The following TNS1 variants were observed in gnomAD, a reference collection of about 807,000 sequenced individuals.
TNS1 encodes tensin 1.
A neutral mutation model predicts 168.6 loss-of-function variants in TNS1; 62 were observed. The ratio of observed to expected loss-of-function variants is 0.37; its 90% CI spans 0.30 to 0.45. The LOEUF (loss-of-function observed/expected upper bound fraction) is 0.45, where lower values mean the gene tolerates loss of function less well. Among genes scored for constraint, TNS1 ranks in the 20% least tolerant of loss-of-function variants. The pLI is 1.00. For missense variants in TNS1, 2,240 were observed against 2,339.4 expected (o/e 0.96, Z 0.88); for synonymous variants, 934 against 933.2 (o/e 1.00, Z -0.02).
chr2:217,940,747 T>A (rs1034236254), intron 3 of TNS1, among the ~76,000 whole-genome samples: 19 of 152,074 alleles, frequency 1.2e-4, no homozygotes, highest in Non-Finnish European at 2.6e-4. Context: ...GGCACAGGCA[T>A]CCACAGAGGG....
intron 3 of TNS1, among the ~76,000 whole-genome samples, chr2:217,955,667 C>T (rs1187404432): frequency 6.6e-6 from 1 of 152,198 alleles, no homozygotes; most frequent in Non-Finnish European, 1.5e-5. Context: ...AACACCTTAT[C>T]TCATCATGAC....
intron 3 of TNS1, among the ~76,000 whole-genome samples, chr2:217,961,341 C>G (rs1476063339): frequency 6.6e-6 from 1 of 152,020 alleles, no homozygotes; most frequent in Non-Finnish European, 1.5e-5. Flanking sequence ...GTCTGTTACC[C>G]TCTTCCAAAC....
rs1467124564 is a variant in TNS1 at position 217,995,673 on chromosome 2, T to G, written c.34-4617A>C. 3.9e-5 allele frequency among the ~76,000 whole-genome samples: 6 copies of G among 152,026 alleles called. No homozygotes were observed. In the East Asian group the frequency reaches 1.2e-3, roughly 29 times the overall value. On this transcript the variant is annotated intron_variant, in intron 1 of 32. Transcript: ENST00000682258. This position sits in a 1 kb window ranked among gnomAD's most constrained non-coding sequence, Gnocchi z 4.1. The stretch of plus-strand genomic sequence containing the variant: ...CCTCACGGAGCACACCCCGGGGCCC[T>G]TCCTTTGCTGGCTGCAAAGGAACCT...
rs542653176 is a variant in TNS1, at chr2:217,825,255, T to C, written c.3374-3317A>G. On this transcript the variant is annotated intron_variant, in intron 22 of 32. Transcript: ENST00000682258. ...TGGCCTTTGGCTAGTAAGGAGGGACTGGCAGGGTATGAGAGGGAGGGAGAG... is the reference window on the plus strand; with the variant it reads ...TGGCCTTTGGCTAGTAAGGAGGGACCGGCAGGGTATGAGAGGGAGGGAGAG... Among the ~76,000 whole-genome samples the C allele has an allele frequency of 5.9e-5, 9 of 152,254 alleles. No individual in the cohort carries two copies. The South Asian group carries it at 1.9e-3, about 32-fold the overall frequency.
intron 3 of TNS1, among the ~76,000 whole-genome samples, chr2:217,961,243 A>T (rs1356465899): frequency 4.2e-5 from 6 of 144,182 alleles, no homozygotes; most frequent in South Asian, 2.2e-4. Context: ...TCTCACACAC[A>T]CACACACACA....
intron 2 of TNS1, among the ~76,000 whole-genome samples, chr2:217,988,237 C>T (rs1430674472): frequency 6.6e-6 from 1 of 152,226 alleles, no homozygotes; most frequent in East Asian, 1.9e-4. Flanking sequence ...CTCCGGTTCA[C>T]ACCAGCAGGG....
chr2:218,020,724 G>A (rs751312629), intron 1 of TNS1, among the ~76,000 whole-genome samples: 3 of 152,204 alleles, frequency 2.0e-5, no homozygotes, highest in African/African-American at 4.8e-5. Flanking sequence ...TTTGCTACCT[G>A]ACCGTGACCT....
At chr2:217,947,406 C>T (rs1957138327) in intron 3 of TNS1, among the ~76,000 whole-genome samples, 1 of 151,914 alleles carries the variant, frequency 6.6e-6, no homozygotes, top group African/African-American at 2.4e-5. Flanking sequence ...AGCAGGCGCC[C>T]AGTGGATGCC....
chr2:217,861,385 C>G (rs1237783183), intron 18 of TNS1, among the ~76,000 whole-genome samples: 1 of 152,216 alleles, frequency 6.6e-6, no homozygotes, highest in Non-Finnish European at 1.5e-5. Flanking sequence ...CTGGTTGCTT[C>G]TCTGCACTTG....
chr2:217,854,365 C>A (rs1180192027), intron 18 of TNS1, among the ~76,000 whole-genome samples: 1 of 152,182 alleles, frequency 6.6e-6, no homozygotes, highest in Admixed American at 6.5e-5. Flanking sequence ...CAGACCCTTC[C>A]CTGTCGGACC....
chr2:217,808,141 C>A, intron 31 of TNS1, 34 bp from the exon 32 acceptor site: 1 of 1,610,848 alleles, frequency 6.2e-7, no homozygotes, highest in Non-Finnish European at 8.5e-7. Context: ...GGTAAATCAT[C>A]GTACTTTCTC....
intron 1 of TNS1, among the ~76,000 whole-genome samples, chr2:217,996,976 T>C (rs1164828041): frequency 6.6e-6 from 1 of 151,622 alleles, no homozygotes; most frequent in Non-Finnish European, 1.5e-5. Flanking sequence ...CTGCCCTGTG[T>C]CCACCCAGGC....
At chr2:217,893,654 G>A in intron 9 of TNS1, 93 bp from the exon 10 acceptor site, 2 of 1,473,996 alleles carry the variant, frequency 1.4e-6, no homozygotes, top group Non-Finnish European at 1.8e-6. Context: ...CAGTACCTGG[G>A]CAGTGGCCCG....
intron 3 of TNS1, among the ~76,000 whole-genome samples, chr2:217,922,762 T>C (rs1051200191): frequency 2.6e-5 from 4 of 152,090 alleles, no homozygotes; most frequent in African/African-American, 7.2e-5. Context: ...CCTAAGAACC[T>C]GGCCCTGCGG....
upstream of TNS1, among the ~76,000 whole-genome samples, chr2:218,013,432 A>C (rs886956434): frequency 1.6e-4 from 24 of 152,138 alleles, no homozygotes; most frequent in Admixed American, 1.3e-3. Context: ...GGATCAGGGA[A>C]GCCTGGGCAG....
intron 3 of TNS1, among the ~76,000 whole-genome samples, chr2:217,966,318 C>T (rs62182221): frequency 0.12 from 17,900 of 150,072 alleles, 1,178 homozygotes; most frequent in African/African-American, 0.16. Context: ...TGCGCGCGCG[C>T]GCGTGTGTAA....
rs1386959188 is a variant in TNS1, at chr2:217,800,759, T to G, written c.*3700A>C. 6.6e-6 allele frequency: 1 copy of G among 151,460 alleles called. No individual in the cohort carries two copies. The highest frequency in any genetic ancestry group is 1.5e-5 in the Non-Finnish European group (1 of 67,886). 9.4% of individuals were successfully genotyped at this position (151,460 alleles called of 1,614,324 possible). On this transcript the variant is annotated 3_prime_UTR_variant, in exon 33 of 33. Transcript: ENST00000682258. ...CAGGTCCTAAAGCTGAAAAAAAAAGTGGGAGAAGATCCAGGAGGCAGGGGT... is the reference window on the plus strand; with the variant it reads ...CAGGTCCTAAAGCTGAAAAAAAAAGGGGGAGAAGATCCAGGAGGCAGGGGT...
chr2:217,961,177 C>T (rs952294385), intron 3 of TNS1, among the ~76,000 whole-genome samples: 1 of 151,398 alleles, frequency 6.6e-6, no homozygotes, highest in Admixed American at 6.6e-5. Flanking sequence ...CAGTGGCTTT[C>T]GATTCAAATC....
In TNS1 at chr2:217,818,768, A is replaced by G. The variant is rs1166210262; in HGVS notation, c.3573-9T>C. 1.9e-6 allele frequency: 3 copies of G among 1,598,994 alleles called. No homozygotes were observed. Among genetic ancestry groups the G allele is most frequent in the Non-Finnish European group, 2.6e-6 (3 of 1,171,622 alleles). On this transcript the variant is annotated splice_polypyrimidine_tract_variant and intron_variant, in intron 23 of 32. Coordinates refer to ENST00000682258, the MANE Select transcript of TNS1 (RefSeq NM_001387777.1). The stretch of plus-strand genomic sequence containing the variant: ...AACTCCCCACTGAAGTGCTGCAGAG[A>G]GATGGCAGGTTGCGATGTCAGTGGA...
Sources: allele counts gnomAD v4.1 joint callset (sites outside exome capture counted in the v4.1 genomes callset), GRCh38; gene constraint gnomAD v4.1.1; non-coding constraint Gnocchi (gnomAD v3.1); transcripts MANE v1.5; gene names NCBI Gene and HGNC (gene_info 2026-07-23, HGNC 2026-07-21).